Variants in PHACTR1 observed in about 807,000 individuals in gnomAD.
The protein encoded by PHACTR1 is RPEL repeat containing 1.
In PHACTR1, 16 loss-of-function variants were observed where a neutral mutation model predicts 69.2. The observed-to-expected ratio is 0.23, with a 90% CI of 0.16 to 0.35. The LOEUF (loss-of-function observed/expected upper bound fraction) is 0.35, where lower values mean the gene tolerates loss of function less well. PHACTR1 is among the 10% of genes least tolerant of loss of function. The probability of loss-of-function intolerance (pLI) is 1.00; values close to 1 mark genes in which losing one functional copy is unlikely to be tolerated. For missense variants in PHACTR1, 510 were observed against 734.7 expected (o/e 0.69, Z 3.54); for synonymous variants, 312 against 284.5 (o/e 1.10, Z -0.97).
intron 5 of PHACTR1, among the ~76,000 whole-genome samples, chr6:13,130,212 CA>C: frequency 6.6e-6 from 1 of 151,948 alleles, no homozygotes; most frequent in Admixed American, 6.6e-5. Flanking sequence ...TGCAAATAGA[CA>C]ATCTAATGTC....
chr6:13,043,491 A>G (rs1804523813), intron 4 of PHACTR1, among the ~76,000 whole-genome samples: 1 of 152,080 alleles, frequency 6.6e-6, no homozygotes, highest in South Asian at 2.1e-4. Context: ...GCTCTATAGG[A>G]CAAGGGTTAA....
chr6:13,281,375 G>A (rs1420021602), intron 12 of PHACTR1: 5 of 328,398 alleles, frequency 1.5e-5, no homozygotes, highest in Middle Eastern at 1.0e-3. Flanking sequence ...GCAATATGGC[G>A]AAACCCTATC....
chr6:13,046,953 C>G (rs1405074615), intron 4 of PHACTR1, among the ~76,000 whole-genome samples: 1 of 152,214 alleles, frequency 6.6e-6, no homozygotes, highest in East Asian at 1.9e-4. Context: ...ATAGTGTCCT[C>G]ATATGCCTGA....
chr6:12,860,806 T>G (rs1780866203), intron 4 of PHACTR1, among the ~76,000 whole-genome samples: 1 of 152,242 alleles, frequency 6.6e-6, no homozygotes, highest in East Asian at 1.9e-4. Flanking sequence ...TTTTGAAAAG[T>G]GTCTGTTCAT....
At chr6:13,258,676 A>G (rs1195233898) in intron 10 of PHACTR1, among the ~76,000 whole-genome samples, 1 of 152,184 alleles carries the variant, frequency 6.6e-6, no homozygotes, top group Non-Finnish European at 1.5e-5. Flanking sequence ...TGATCAGATC[A>G]TGTTAAGCTT....
intron 4 of PHACTR1, among the ~76,000 whole-genome samples, chr6:12,844,855 T>G (rs1255438091): frequency 6.6e-6 from 1 of 152,130 alleles, no homozygotes; most frequent in Non-Finnish European, 1.5e-5. Context: ...AAGCAATCCG[T>G]GGGCCTAGAA....
Position 13,003,708 on chromosome 6 carries a change from T to G in PHACTR1, c.251-49657T>G, listed in dbSNP as rs187120268. Reference sequence around the variant, plus strand: ...CACCCTAAGAGTACATAGTACCCACTAAATAACTTCTCATTTCTCACTCCC... The same window carrying G: ...CACCCTAAGAGTACATAGTACCCACGAAATAACTTCTCATTTCTCACTCCC... On this transcript the variant is annotated intron_variant, in intron 4 of 14. Transcript: ENST00000332995. 1.5e-4 allele frequency among the ~76,000 whole-genome samples: 23 copies of G among 151,944 alleles called. No homozygotes were observed. In the East Asian group the frequency reaches 4.3e-3, roughly 28 times the overall value.
At chr6:12,926,201 G>T (rs1241738935) in intron 4 of PHACTR1, among the ~76,000 whole-genome samples, 2 of 151,902 alleles carry the variant, frequency 1.3e-5, no homozygotes, top group Admixed American at 1.3e-4. Context: ...CTAGAATTAT[G>T]GCTACCATTG....
intron 5 of PHACTR1, among the ~76,000 whole-genome samples, chr6:13,154,678 T>C (rs1257619965): frequency 6.6e-6 from 1 of 152,072 alleles, no homozygotes; most frequent in Non-Finnish European, 1.5e-5. Context: ...GACCAAATAC[T>C]CCCAGGCAGT....
At chr6:13,233,855 G>GAAT (rs1170161275) in intron 10 of PHACTR1, among the ~76,000 whole-genome samples, 1 of 152,196 alleles carries the variant, frequency 6.6e-6, no homozygotes, top group Non-Finnish European at 1.5e-5. Context: ...TCCTTCCTCT[G>GAAT]AATCCACTTT....
At chr6:12,815,901 T>C (rs1371239624) in intron 4 of PHACTR1, among the ~76,000 whole-genome samples, 2 of 152,196 alleles carry the variant, frequency 1.3e-5, no homozygotes, top group Non-Finnish European at 2.9e-5. Flanking sequence ...ACAAGGCAGG[T>C]TGCTGTGGGT....
At chr6:13,027,824 C>T (rs1402782197) in intron 4 of PHACTR1, among the ~76,000 whole-genome samples, 18 of 152,180 alleles carry the variant, frequency 1.2e-4, no homozygotes, top group Middle Eastern at 6.8e-3. Flanking sequence ...TACAGGCATG[C>T]GCCACCACAC....
chr6:13,181,449 C>A (rs1272970228), intron 6 of PHACTR1, among the ~76,000 whole-genome samples: 2 of 152,206 alleles, frequency 1.3e-5, no homozygotes, highest in Non-Finnish European at 2.9e-5. Flanking sequence ...CTCGCTGGAA[C>A]AGCTTTCAGT....
intron 4 of PHACTR1, among the ~76,000 whole-genome samples, chr6:12,775,581 G>A (rs1202462428): frequency 6.6e-6 from 1 of 152,122 alleles, no homozygotes. Flanking sequence ...ATTTAATATT[G>A]TGCTTTATAA....
At chr6:13,018,343 GA>G (rs1252183366) in intron 4 of PHACTR1, among the ~76,000 whole-genome samples, 1 of 152,154 alleles carries the variant, frequency 6.6e-6, no homozygotes, top group Non-Finnish European at 1.5e-5. Context: ...GTTCACAGCT[GA>G]ATTCTGGAAA....
In PHACTR1 at chr6:13,003,993, A is replaced by G. The variant is rs538844955; in HGVS notation, c.251-49372A>G. Among the ~76,000 whole-genome samples, 2 of 131,982 alleles carry G rather than the reference A, an allele frequency of 1.5e-5. 1 individual carries two copies. The highest frequency in any genetic ancestry group is 4.9e-4 in the South Asian group (2 of 4,100). The allele number at this position is 131,982 out of a possible 152,430, so 86.6% of individuals were successfully genotyped here. Reference sequence around the variant, plus strand: ...TATATATATATACACATATATATATATCACATTTTCTTTATCCAGTCATCT... The same window carrying G: ...TATATATATATACACATATATATATGTCACATTTTCTTTATCCAGTCATCT... On this transcript the variant is annotated intron_variant, in intron 4 of 14. Transcript: ENST00000332995.
At position 13,136,679 on chromosome 6, in the gene PHACTR1, G is replaced by A. The variant is rs9395462; in HGVS notation, c.416-23525G>A. Among the ~76,000 whole-genome samples the A allele has an allele frequency of 2.9e-5, 4 of 136,698 alleles. No individual in the cohort carries two copies. In the East Asian group the frequency reaches 9.3e-4, roughly 32 times the overall value. The allele number at this position is 136,698 out of a possible 152,430, so 89.7% of individuals were successfully genotyped here. Reference sequence around the variant, plus strand: ...TTTGATTTAATATGAAAGATAATGCGACTCCTCCTTTCACTTGAGCATTTA... The same window carrying A: ...TTTGATTTAATATGAAAGATAATGCAACTCCTCCTTTCACTTGAGCATTTA... On this transcript the variant is annotated intron_variant, in intron 5 of 14. Coordinates refer to ENST00000332995, the MANE Select transcript of PHACTR1 (RefSeq NM_030948.6).
At chr6:13,044,538 T>C (rs1200354025) in intron 4 of PHACTR1, among the ~76,000 whole-genome samples, 1 of 152,130 alleles carries the variant, frequency 6.6e-6, no homozygotes, top group African/African-American at 2.4e-5. Context: ...TGGCCAGCAC[T>C]GGGTCACATG....
chr6:12,862,245 C>T (rs761255918), intron 4 of PHACTR1, among the ~76,000 whole-genome samples: 7 of 152,140 alleles, frequency 4.6e-5, no homozygotes, highest in South Asian at 2.1e-4. Flanking sequence ...GTATAGGCAG[C>T]GACAGCACTT....
Sources: gnomAD v4.1 joint callset for allele counts (sites outside exome capture counted in the v4.1 genomes callset) on GRCh38, gnomAD v4.1.1 for gene constraint, MANE v1.5 for transcripts, NCBI Gene and HGNC (gene_info 2026-07-23, HGNC 2026-07-21) for gene names.